RAP1A: variants seen among roughly 807,000 people sequenced by gnomAD.
RAP1A encodes the protein RAP1A, member of RAS oncogene family, also known as ras-related protein Rap-1A.
Under a neutral mutation model 26.4 loss-of-function variants are expected in RAP1A, and 6 were observed. That is an observed-to-expected ratio of 0.23 (90% CI 0.12 to 0.45). The LOEUF (loss-of-function observed/expected upper bound fraction) is 0.45, where lower values mean the gene tolerates loss of function less well. Ranked by LOEUF, RAP1A falls within the 20% of genes least tolerant of loss-of-function variation. RAP1A has a pLI of 0.99. For synonymous variants in RAP1A, 73 were observed against 79.4 expected (o/e 0.92, Z 0.43); for missense variants, 121 against 217.2 (o/e 0.56, Z 2.78).
intron 1 of RAP1A, among the ~76,000 whole-genome samples, chr1:111,675,642 T>A (rs571067): frequency 0.13 from 20,026 of 152,214 alleles, 1,535 homozygotes; most frequent in East Asian, 0.21. Flanking sequence ...CATTTTTGTT[T>A]CCTTGACACC....
chr1:111,601,993 A>G (rs1197028505), intron 1 of RAP1A, among the ~76,000 whole-genome samples: 1 of 152,248 alleles, frequency 6.6e-6, no homozygotes, highest in Non-Finnish European at 1.5e-5. Flanking sequence ...TTTTCAATAA[A>G]CAAGCCATAG....
chr1:111,629,255 G>GAA (rs2101100732), intron 1 of RAP1A, among the ~76,000 whole-genome samples: 1 of 152,224 alleles, frequency 6.6e-6, no homozygotes, highest in African/African-American at 2.4e-5. Flanking sequence ...TAGTGTTCCT[G>GAA]TTTTCTCTCT....
intron 1 of RAP1A, among the ~76,000 whole-genome samples, chr1:111,571,600 A>G (rs1316750806): frequency 6.6e-6 from 1 of 152,186 alleles, no homozygotes; most frequent in Non-Finnish European, 1.5e-5. Context: ...AACTAAATAT[A>G]TTTTTTATTG....
chr1:111,634,625 GTATT>G (rs1007335632), intron 1 of RAP1A, among the ~76,000 whole-genome samples: 6 of 150,630 alleles, frequency 4.0e-5, no homozygotes, highest in Non-Finnish European at 7.4e-5. Flanking sequence ...ATGTATGTAT[GTATT>G]TATTTATTTA....
At chr1:111,667,936 A>T (rs889396717) in intron 1 of RAP1A, among the ~76,000 whole-genome samples, 1 of 152,136 alleles carries the variant, frequency 6.6e-6, no homozygotes, top group Non-Finnish European at 1.5e-5. Flanking sequence ...GCCTTCGCAG[A>T]CATAGAGGAT....
At chr1:111,586,212 AAAC>A (rs540409884) in intron 1 of RAP1A, among the ~76,000 whole-genome samples, 68 of 152,316 alleles carry the variant, frequency 4.5e-4, no homozygotes, top group African/African-American at 1.5e-3. Flanking sequence ...TTTAAAATTT[AAAC>A]AACAAGTAAG....
At chr1:111,685,848 A>G (rs1051902942) in intron 1 of RAP1A, among the ~76,000 whole-genome samples, 8 of 148,432 alleles carry the variant, frequency 5.4e-5, no homozygotes, top group Non-Finnish European at 1.1e-4. Context: ...AGCATTATTC[A>G]CAATAGCAGA....
At chr1:111,706,614 T>C (rs1336218462) in intron 6 of RAP1A, 1 of 710,112 alleles carries the variant, frequency 1.4e-6, no homozygotes, top group African/African-American at 1.9e-5. Flanking sequence ...GACAACCCAA[T>C]TTAGGAATGG....
At chr1:111,648,316 C>G in intron 1 of RAP1A, 1 of 939,708 alleles carries the variant, frequency 1.1e-6, no homozygotes, top group East Asian at 3.2e-5. Context: ...TGTCATTGGT[C>G]TCAGATACCA....
intron 1 of RAP1A, among the ~76,000 whole-genome samples, chr1:111,688,323 CT>C (rs755186287): frequency 4.0e-4 from 44 of 108,890 alleles, no homozygotes; most frequent in African/African-American, 4.9e-4. Context: ...TTCTTTCTTT[CT>C]TTTTTTTTTT....
chr1:111,569,709 C>G (rs899094482), intron 1 of RAP1A, among the ~76,000 whole-genome samples: 11 of 152,068 alleles, frequency 7.2e-5, no homozygotes, highest in African/African-American at 2.4e-4. Context: ...AGGAATCATT[C>G]TCTAAGATGG....
Position 111,652,189 on chromosome 1 carries a change from G to A in RAP1A, c.-28+32255G>A, listed in dbSNP as rs7555962. ...AGGTTTCGCCATATTGGCCAGTCTC[G>A]TCTCGAACTCCTGATCTCAGGTGAT... is the stretch of plus-strand genomic sequence containing the variant. On this transcript the variant is annotated intron_variant, in intron 1 of 7. Coordinates refer to ENST00000369709, the MANE Select transcript of RAP1A (RefSeq NM_002884.4). 4.5e-3 allele frequency among the ~76,000 whole-genome samples: 683 copies of A among 151,954 alleles called. 5 individuals carry two copies. Among genetic ancestry groups the A allele is most frequent in the African/African-American group, 0.015 (634 of 41,440 alleles).
chr1:111,588,210 T>G (rs567612992), intron 1 of RAP1A, among the ~76,000 whole-genome samples: 1 of 152,198 alleles, frequency 6.6e-6, no homozygotes, highest in East Asian at 1.9e-4. Flanking sequence ...CACATCTGAT[T>G]GGTTACTTAG....
At chr1:111,706,455 C>CATATAT (rs145638494) in intron 6 of RAP1A, among the ~76,000 whole-genome samples, 2 of 149,664 alleles carry the variant, frequency 1.3e-5, no homozygotes, top group Admixed American at 6.7e-5. Context: ...CTAATTCATT[C>CATATAT]ATATATATAT....
At position 111,641,170 on chromosome 1, in the gene RAP1A, C is replaced by G. The variant is rs186712925; in HGVS notation, c.-28+21236C>G. On this transcript the variant is annotated intron_variant, in intron 1 of 7. Coordinates refer to ENST00000369709, the MANE Select transcript of RAP1A (RefSeq NM_002884.4). ...ATAGAAATAATTAGTTTTCTTTTTA[C>G]AATTCCTTTTGTTTTTAAGTCTTCA... Among the ~76,000 whole-genome samples the G allele has an allele frequency of 6.0e-4, 92 of 152,244 alleles. 1 individual carries two copies. Among genetic ancestry groups the G allele is most frequent in the Admixed American group, 5.7e-3 (87 of 15,290 alleles).
intron 1 of RAP1A, among the ~76,000 whole-genome samples, chr1:111,585,272 T>C (rs564323298): frequency 2.8e-4 from 42 of 152,242 alleles, no homozygotes; most frequent in Non-Finnish European, 2.5e-4. Flanking sequence ...AATTACTCTC[T>C]ATATCTCTTT....
intron 6 of RAP1A, among the ~76,000 whole-genome samples, chr1:111,708,661 A>G (rs949651437): frequency 2.6e-5 from 4 of 152,236 alleles, no homozygotes; most frequent in Admixed American, 2.0e-4. Flanking sequence ...TGCAATAACT[A>G]TAACGTGTTT....
intron 1 of RAP1A, among the ~76,000 whole-genome samples, chr1:111,611,037 T>C (rs939797225): frequency 2.0e-5 from 3 of 152,222 alleles, no homozygotes; most frequent in Non-Finnish European, 4.4e-5. Flanking sequence ...AGAGCTCTAT[T>C]ACAAGAACTG....
In RAP1A at chr1:111,649,491, G is replaced by T; in HGVS notation, c.-28+29557G>T. 3 of 314,554 alleles carry T rather than the reference G, an allele frequency of 9.5e-6. No individual in the cohort carries two copies. In the South Asian group the frequency reaches 1.0e-4, roughly 11 times the overall value. 19.5% of individuals were successfully genotyped at this position (314,554 alleles called of 1,614,324 possible). ...GCCAGGCGCCATAGCTGGCTGCCTT[G>T]ACAGAGCTTAGGGACTGGTAGTTGG... On this transcript the variant is annotated intron_variant, in intron 1 of 7. Coordinates refer to ENST00000369709, the MANE Select transcript of RAP1A (RefSeq NM_002884.4).
Sources: gnomAD v4.1 joint callset for allele counts (sites outside exome capture counted in the v4.1 genomes callset) on GRCh38, gnomAD v4.1.1 for gene constraint, MANE v1.5 for transcripts, NCBI Gene and HGNC (gene_info 2026-07-23, HGNC 2026-07-21) for gene names.